Variants in KITLG observed in about 807,000 individuals in gnomAD.
KITLG encodes the protein c-Kit ligand.
A neutral mutation model predicts 34.1 loss-of-function variants in KITLG; 13 were observed. The observed-to-expected ratio is 0.38, with a 90% confidence interval of 0.25 to 0.61. KITLG has a LOEUF of 0.61. Among genes scored for constraint, KITLG ranks in the 20% least tolerant of loss-of-function variants. KITLG has a pLI of 0.60. For synonymous variants in KITLG, 110 were observed against 104.0 expected, an observed-to-expected ratio of 1.06 and a Z score of -0.35; for missense variants, 292 against 318.9, an observed-to-expected ratio of 0.92 and a Z score of 0.64.
chr12:88,512,192 G>A lies in KITLG; in HGVS notation c.604+3342C>T, dbSNP rs118104740. 1.2e-4 allele frequency among the ~76,000 whole-genome samples: 19 copies of A among 152,122 alleles called. No individual in the cohort carries two copies. In the East Asian group the frequency reaches 3.7e-3, roughly 29 times the overall value. On this transcript the variant is annotated intron_variant, in intron 6 of 9. Transcript: ENST00000644744. The stretch of plus-strand genomic sequence containing the variant: ...AGTATGCAGATGGAAAATTCCAGCA[G>A]AGAAATATGAAATACATTAAACAAT...
intron 3 of KITLG, among the ~76,000 whole-genome samples, chr12:88,528,687 T>C (rs79737131): frequency 3.3e-5 from 5 of 152,282 alleles, no homozygotes; most frequent in Admixed American, 6.5e-5. Context: ...ATACAACTTA[T>C]TCAAGAAGTT....
intron 9 of KITLG, among the ~76,000 whole-genome samples, chr12:88,503,507 T>C (rs1029883002): frequency 6.6e-6 from 1 of 152,174 alleles, no homozygotes; most frequent in Admixed American, 6.5e-5. Flanking sequence ...CGCATGCAAC[T>C]GTGGTAAATG....
In KITLG at chr12:88,533,164, A is replaced by G. The variant is rs148629962; in HGVS notation, c.130-661T>C. Among the ~76,000 whole-genome samples, 266 of 152,342 alleles carry G rather than the reference A, an allele frequency of 1.7e-3. 1 individual carries two copies. Among genetic ancestry groups the G allele is most frequent in the African/African-American group, 6.1e-3 (252 of 41,592 alleles). The stretch of plus-strand genomic sequence containing the variant: ...TTAATTCTCTTACCTTCGGCTGAAC[A>G]TTTGAGAAGTCTCAAATATTTGCCT... On this transcript the variant is annotated intron_variant, in intron 2 of 9. Transcript: ENST00000644744.
At chr12:88,579,702 C>T (rs1371814619) in intron 1 of KITLG, among the ~76,000 whole-genome samples, 1 of 152,096 alleles carries the variant, frequency 6.6e-6, no homozygotes, top group East Asian at 1.9e-4. Flanking sequence ...GCCAAGTTTC[C>T]CGGGCAGGCG....
intron 7 of KITLG, 78 bp downstream of exon 7, chr12:88,506,950 G>GAA: frequency 1.2e-6 from 1 of 866,334 alleles, no homozygotes; most frequent in Non-Finnish European, 2.0e-6. Context: ...TTTCTTAAAG[G>GAA]ATCATTTCTT....
chr12:88,514,301 T>A (rs563831777), intron 6 of KITLG, among the ~76,000 whole-genome samples: 11 of 151,410 alleles, frequency 7.3e-5, no homozygotes, highest in African/African-American at 2.4e-4. Flanking sequence ...ACAAAGCAAA[T>A]GGAAGGAAAT....
intron 9 of KITLG, among the ~76,000 whole-genome samples, chr12:88,500,280 T>C (rs1407648045): frequency 1.3e-5 from 2 of 152,202 alleles, no homozygotes; most frequent in Admixed American, 6.5e-5. Flanking sequence ...CAAAAATAGG[T>C]AACTGTATTT....
At chr12:88,518,948 C>A in intron 3 of KITLG, 81 bp from the exon 4 acceptor site, 1 of 1,254,322 alleles carries the variant, frequency 8.0e-7, no homozygotes, top group South Asian at 1.3e-5. Flanking sequence ...TCAAAGCTAT[C>A]GTTTTAGTTA....
chr12:88,537,635 A>C (rs932045376), intron 2 of KITLG, among the ~76,000 whole-genome samples: 1 of 152,132 alleles, frequency 6.6e-6, no homozygotes, highest in Non-Finnish European at 1.5e-5. Flanking sequence ...AATAGTTGAA[A>C]GTATATTAAA....
At chr12:88,524,732 T>C (rs1869802501) in intron 3 of KITLG, among the ~76,000 whole-genome samples, 1 of 152,212 alleles carries the variant, frequency 6.6e-6, no homozygotes, top group Admixed American at 6.5e-5. Context: ...GCCCCTGTGC[T>C]GTAGTACAGT....
In KITLG at chr12:88,516,420, T is replaced by A. The variant is rs1168172505; in HGVS notation, c.434A>T (p.Asn145Ile). ...FTPEEFFRIF[N>I]RSIDAFKDFV... is the part of the protein sequence containing the mutation. ...GTCCTTGAAGGCATCAATGGATCTA[T>A]TAAAAATTCTAAAGAATTCTTCAGG... is the stretch of plus-strand genomic sequence containing the variant. The change falls in exon 5 of 10, where the codon AAT becomes ATT. Residue 145 changes from asparagine to isoleucine, a missense_variant. By Grantham distance (149) the Asn-to-Ile change is moderately radical. This residue lies in a region of KITLG where 152 missense variants were observed against 207.9 expected (regional missense o/e 0.73). Transcript: ENST00000644744. 1 of 1,609,560 alleles carries A rather than the reference T, an allele frequency of 6.2e-7. No individual in the cohort carries two copies. The highest frequency in any genetic ancestry group is 8.5e-7 in the Non-Finnish European group (1 of 1,177,030).
At chr12:88,539,237 T>C (rs868230081) in intron 2 of KITLG, among the ~76,000 whole-genome samples, 1 of 152,148 alleles carries the variant, frequency 6.6e-6, no homozygotes, top group African/African-American at 2.4e-5. Flanking sequence ...GCAAGACCCT[T>C]ACTTGTTATG....
intron 1 of KITLG, among the ~76,000 whole-genome samples, chr12:88,546,837 G>A (rs780240589): frequency 1.3e-5 from 2 of 152,206 alleles, no homozygotes; most frequent in Non-Finnish European, 2.9e-5. Context: ...AAACTCAGAG[G>A]CAGGTAAATA....
At chr12:88,568,447 A>G (rs2120976075) in intron 1 of KITLG, among the ~76,000 whole-genome samples, 1 of 152,168 alleles carries the variant, frequency 6.6e-6, no homozygotes, top group African/African-American at 2.4e-5. Flanking sequence ...GACATAAACC[A>G]CCATGCCCAG....
At chr12:88,542,654 A>T (rs1421658399) in intron 2 of KITLG, among the ~76,000 whole-genome samples, 1 of 152,066 alleles carries the variant, frequency 6.6e-6, no homozygotes. Flanking sequence ...GCACACACAC[A>T]CACACACTCT....
Position 88,532,592 on chromosome 12 carries a change from C to G in KITLG, c.130-89G>C. 3.5e-6 allele frequency: 3 copies of G among 868,634 alleles called. No homozygotes were observed. In the South Asian group the frequency reaches 4.4e-5, roughly 13 times the overall value. 53.8% of individuals were successfully genotyped at this position (868,634 alleles called of 1,614,324 possible). On this transcript the variant is annotated intron_variant, in intron 2 of 9. Transcript: ENST00000644744. Reference sequence around the variant, plus strand: ...GTGCTTTGGAGAAAAGCACACAAAACTGTTGTGCTTTTTAAAGTTACCAAT... The same window carrying G: ...GTGCTTTGGAGAAAAGCACACAAAAGTGTTGTGCTTTTTAAAGTTACCAAT...
chr12:88,578,497 T>A (rs962871531), intron 1 of KITLG, among the ~76,000 whole-genome samples: 1 of 152,232 alleles, frequency 6.6e-6, no homozygotes, highest in African/African-American at 2.4e-5. Flanking sequence ...TCAGACTAGA[T>A]TGACCTCTTT....
At chr12:88,558,585 A>T (rs192187665) in intron 1 of KITLG, among the ~76,000 whole-genome samples, 7 of 152,336 alleles carry the variant, frequency 4.6e-5, no homozygotes, top group Non-Finnish European at 1.0e-4. Context: ...AACTGTTAAA[A>T]TGTTCCTTCT....
At chr12:88,518,595 A>G in intron 4 of KITLG, 102 bp downstream of exon 4, 2 of 894,306 alleles carry the variant, frequency 2.2e-6, no homozygotes, top group Non-Finnish European at 3.6e-6. Context: ...TATACAATCA[A>G]AATATCATAA....
Sources: allele counts gnomAD v4.1 joint callset (sites outside exome capture counted in the v4.1 genomes callset), GRCh38; gene constraint gnomAD v4.1.1; regional missense constraint gnomAD v4.1.1; transcripts MANE v1.5; gene names NCBI Gene and HGNC (gene_info 2026-07-23, HGNC 2026-07-21).